PDCD6IP: variants seen among roughly 807,000 people sequenced by gnomAD.
PDCD6IP encodes the protein programmed cell death 6 interacting protein.
Under a neutral mutation model 103.7 loss-of-function variants are expected in PDCD6IP, and 43 were observed. The ratio of observed to expected loss-of-function variants is 0.41; its 90% CI spans 0.32 to 0.53. The LOEUF is 0.53. Among genes scored for constraint, PDCD6IP ranks in the 20% least tolerant of loss-of-function variants. The pLI, the probability that PDCD6IP is intolerant of heterozygous loss-of-function variation, is 0.16. For missense variants in PDCD6IP, 871 were observed against 1,036.7 expected, an observed-to-expected ratio of 0.84 and a Z score of 2.20; for synonymous variants, 354 against 378.7, an observed-to-expected ratio of 0.93 and a Z score of 0.76.
intron 15 of PDCD6IP, among the ~76,000 whole-genome samples, chr3:33,857,853 A>G (rs1697863008): frequency 6.6e-6 from 1 of 152,230 alleles, no homozygotes; most frequent in South Asian, 2.1e-4. Flanking sequence ...TTAATGGAGA[A>G]GCACTATAAA....
At chr3:33,864,434 A>G (rs1321172880) in intron 16 of PDCD6IP, among the ~76,000 whole-genome samples, 3 of 148,608 alleles carry the variant, frequency 2.0e-5, no homozygotes, top group African/African-American at 7.4e-5. Flanking sequence ...CACATGGGAC[A>G]TTTATATGAA....
chr3:33,819,256 T>G (rs1480799579), intron 3 of PDCD6IP, among the ~76,000 whole-genome samples: 2 of 152,108 alleles, frequency 1.3e-5, no homozygotes, highest in South Asian at 2.1e-4. Flanking sequence ...TGAAAAAAAT[T>G]TAACAATCAA....
rs1696478909 is a variant in PDCD6IP at position 33,801,648 on chromosome 3, A to AC, written c.209+2711_209+2712insC. ...AAAACAAAACAAAACAACAACAACAAAAAACCCTTTTATATGATACTTCTT... is the reference window on the plus strand; with the variant it reads ...AAAACAAAACAAAACAACAACAACAACAAAACCCTTTTATATGATACTTCTT... On this transcript the variant is annotated intron_variant, in intron 1 of 17. Coordinates refer to ENST00000307296, the MANE Select transcript of PDCD6IP (RefSeq NM_013374.6). 2.6e-5 allele frequency among the ~76,000 whole-genome samples: 4 copies of AC among 152,274 alleles called. No individual in the cohort carries two copies. The South Asian group carries it at 8.3e-4, about 32-fold the overall frequency.
At chr3:33,826,736 T>C in intron 6 of PDCD6IP, 156 bp downstream of exon 6, 1 of 1,351,054 alleles carries the variant, frequency 7.4e-7, no homozygotes, top group African/African-American at 1.5e-5. Context: ...TTTTTTTTAA[T>C]TTAAGATGCA....
chr3:33,862,011 G>A (rs1697966308), intron 15 of PDCD6IP, among the ~76,000 whole-genome samples: 1 of 151,830 alleles, frequency 6.6e-6, no homozygotes, highest in Non-Finnish European at 1.5e-5. Flanking sequence ...TTATTTAATA[G>A]CATTGATTTA....
chr3:33,838,477 C>G, intron 9 of PDCD6IP, 150 bp downstream of exon 9: 5 of 697,088 alleles, frequency 7.2e-6, no homozygotes, highest in Non-Finnish European at 1.2e-5. Context: ...TTGTTGGACA[C>G]TGTATTTATG....
chr3:33,803,347 A>G (rs532464668), intron 1 of PDCD6IP, among the ~76,000 whole-genome samples: 106 of 152,244 alleles, frequency 7.0e-4, no homozygotes, highest in African/African-American at 2.6e-3. Context: ...TGCTAAACTG[A>G]TGGGTGAGAG....
At chr3:33,848,356 TG>T (rs1559792878) in intron 12 of PDCD6IP, among the ~76,000 whole-genome samples, 1 of 152,102 alleles carries the variant, frequency 6.6e-6, no homozygotes, top group African/African-American at 2.4e-5. Flanking sequence ...GAAAATAAAA[TG>T]ACAAGGTTAT....
At position 33,826,045 on chromosome 3, in the gene PDCD6IP, A is replaced by G. The variant is rs1697116415; in HGVS notation, c.617-435A>G. Among the ~76,000 whole-genome samples the G allele has an allele frequency of 3.3e-5, 5 of 152,302 alleles. No homozygotes were observed. The South Asian group carries it at 1.0e-3, about 32-fold the overall frequency. ...AGATTGAAAATGGGCTGAATATGTA[A>G]TATGGGCTGAAACTGAAAATAAGAG... On this transcript the variant is annotated intron_variant, in intron 5 of 17. Coordinates refer to ENST00000307296, the MANE Select transcript of PDCD6IP (RefSeq NM_013374.6).
intron 12 of PDCD6IP, among the ~76,000 whole-genome samples, chr3:33,848,666 G>A (rs1036177504): frequency 4.6e-5 from 7 of 152,174 alleles, no homozygotes; most frequent in Non-Finnish European, 1.0e-4. Context: ...GCCTCCCAAA[G>A]TGCTGGGATT....
chr3:33,798,662 C>G lies in PDCD6IP; in HGVS notation c.-67C>G, dbSNP rs879131178. ...CCGCCAGTCCGCCAGCCCAGTACCT[C>G]TCTCTCCTCGGCCCTCGTAAGCTGT... On this transcript the variant is annotated 5_prime_UTR_variant, in exon 1 of 18. Coordinates refer to ENST00000307296, the MANE Select transcript of PDCD6IP (RefSeq NM_013374.6). 1.4e-6 allele frequency: 2 copies of G among 1,394,584 alleles called. No individual in the cohort carries two copies. Among genetic ancestry groups the G allele is most frequent in the South Asian group, 1.4e-5 (1 of 71,192 alleles). 86.4% of individuals were successfully genotyped at this position (1,394,584 alleles called of 1,614,324 possible).
chr3:33,842,345 A>G (rs1326072602), intron 10 of PDCD6IP, among the ~76,000 whole-genome samples: 8 of 152,204 alleles, frequency 5.3e-5, no homozygotes, highest in Non-Finnish European at 1.2e-4. Flanking sequence ...TGAGAAATCA[A>G]CTGTCATACA....
chr3:33,835,429 C>T (rs1697325030), intron 7 of PDCD6IP: 2 of 411,364 alleles, frequency 4.9e-6, no homozygotes, highest in Non-Finnish European at 9.7e-6. Context: ...AATAACCCAA[C>T]AGCCAGACAG....
intron 1 of PDCD6IP, among the ~76,000 whole-genome samples, chr3:33,805,720 A>ATT (rs112781385): frequency 1.4e-5 from 2 of 141,730 alleles, no homozygotes; most frequent in Admixed American, 7.0e-5. Context: ...TACCTGGCCA[A>ATT]TTTTTTTTTT....
intron 1 of PDCD6IP, among the ~76,000 whole-genome samples, chr3:33,809,224 C>G (rs1285642709): frequency 6.6e-6 from 1 of 152,138 alleles, no homozygotes; most frequent in African/African-American, 2.4e-5. Flanking sequence ...TTCACAAGAG[C>G]ACAGATTTTT....
At chr3:33,847,787 A>G (rs1697626080) in intron 12 of PDCD6IP, among the ~76,000 whole-genome samples, 1 of 152,208 alleles carries the variant, frequency 6.6e-6, no homozygotes, top group African/African-American at 2.4e-5. Context: ...ACCTAGGATC[A>G]CTGCTTGTGA....
rs9861228 is a variant in PDCD6IP, at chr3:33,854,184, G to T, written c.2025+171G>T. Among the ~76,000 whole-genome samples the T allele has an allele frequency of 5.6e-3, 855 of 152,298 alleles. 6 individuals carry two copies. Among genetic ancestry groups the T allele is most frequent in the African/African-American group, 0.02 (821 of 41,556 alleles). On this transcript the variant is annotated intron_variant, in intron 14 of 17. Coordinates refer to ENST00000307296, the MANE Select transcript of PDCD6IP (RefSeq NM_013374.6). Reference sequence around the variant, plus strand: ...ATAGGAGGGAGAAAGCTTAATGAAGGTGGCAACATTTCATGGGAACTTTGA... The same window carrying T: ...ATAGGAGGGAGAAAGCTTAATGAAGTTGGCAACATTTCATGGGAACTTTGA...
chr3:33,838,808 T>A (rs1214005049), intron 9 of PDCD6IP, among the ~76,000 whole-genome samples: 4 of 151,490 alleles, frequency 2.6e-5, no homozygotes, highest in East Asian at 1.9e-4. Flanking sequence ...ATATATATAT[T>A]TTTTGTTTTT....
rs1202910361 is a variant in PDCD6IP, at chr3:33,868,825, G to A, written c.*2300G>A. On this transcript the variant is annotated 3_prime_UTR_variant, in exon 18 of 18. Coordinates refer to ENST00000307296, the MANE Select transcript of PDCD6IP (RefSeq NM_013374.6). ...TTAAACTGGATTGTACTTAAATAAT[G>A]AAGCTCTGCATAGAGGAACTAGTCA... 1 of 152,206 alleles carries A rather than the reference G, an allele frequency of 6.6e-6. No homozygotes were observed. Among genetic ancestry groups the A allele is most frequent in the East Asian group, 1.9e-4 (1 of 5,198 alleles). 9.4% of individuals were successfully genotyped at this position (152,206 alleles called of 1,614,324 possible).
Sources: gnomAD v4.1 joint callset for allele counts (sites outside exome capture counted in the v4.1 genomes callset) on GRCh38, gnomAD v4.1.1 for gene constraint, MANE v1.5 for transcripts, NCBI Gene and HGNC (gene_info 2026-07-23, HGNC 2026-07-21) for gene names.